The following EIF4G3 variants were observed in gnomAD, a reference collection of about 807,000 sequenced individuals.
EIF4G3 encodes eukaryotic translation initiation factor 4 gamma 3.
A neutral mutation model predicts 186.4 loss-of-function variants in EIF4G3; 34 were observed. That is an observed-to-expected ratio of 0.18 (90% CI 0.14 to 0.24). The LOEUF (loss-of-function observed/expected upper bound fraction) is 0.24, where lower values mean the gene tolerates loss of function less well. EIF4G3 is among the 10% of genes least tolerant of loss of function. The pLI is 1.00. For synonymous variants in EIF4G3, 673 were observed against 679.5 expected, an observed-to-expected ratio of 0.99 and a Z score of 0.15; for missense variants, 1,536 against 1,948.5, an observed-to-expected ratio of 0.79 and a Z score of 3.99.
chr1:21,176,753 C>T lies in EIF4G3; in HGVS notation c.-487G>A, dbSNP rs776281636. ...CGGCAATATCCTCATGGGCCGGCGG[C>T]GGGGGATCTTTATCCCCCTCCCCGG... is the stretch of plus-strand genomic sequence containing the variant. On this transcript the variant is annotated 5_prime_UTR_variant, in exon 1 of 37. Transcript: ENST00000602326. The T allele has an allele frequency of 1.4e-5, 10 of 697,938 alleles. No homozygotes were observed. The highest frequency in any genetic ancestry group is 5.3e-5 in the African/African-American group (3 of 56,706). The allele number at this position is 697,938 out of a possible 1,614,324, so 43.2% of individuals were successfully genotyped here.
At chr1:20,999,947 C>T (rs2083137643) in intron 6 of EIF4G3, among the ~76,000 whole-genome samples, 1 of 152,000 alleles carries the variant, frequency 6.6e-6, no homozygotes, top group Non-Finnish European at 1.5e-5. Context: ...GCCACCCACC[C>T]ACTTACTCAC....
At chr1:20,891,059 C>G (rs1414511093) in intron 18 of EIF4G3, among the ~76,000 whole-genome samples, 1 of 152,138 alleles carries the variant, frequency 6.6e-6, no homozygotes, top group Non-Finnish European at 1.5e-5. Flanking sequence ...AGTCACATTA[C>G]TTTGAGTGTA....
At chr1:21,013,052 T>C (rs1397496924) in intron 4 of EIF4G3, among the ~76,000 whole-genome samples, 1 of 152,134 alleles carries the variant, frequency 6.6e-6, no homozygotes, top group African/African-American at 2.4e-5. Flanking sequence ...AGAAGAGCTT[T>C]GTAAGCACTC....
chr1:20,955,374 G>A (rs2096382160), intron 12 of EIF4G3, among the ~76,000 whole-genome samples: 1 of 152,082 alleles, frequency 6.6e-6, no homozygotes, highest in African/African-American at 2.4e-5. Flanking sequence ...TAGGACCACA[G>A]GTGTGTACCA....
chr1:20,988,480 A>G (rs1441398003), intron 7 of EIF4G3: 6 of 165,588 alleles, frequency 3.6e-5, no homozygotes. Flanking sequence ...TGAAGCCAAT[A>G]CTTATTTACT....
chr1:20,858,681 T>C (rs549883028), intron 24 of EIF4G3, among the ~76,000 whole-genome samples: 10 of 152,290 alleles, frequency 6.6e-5, no homozygotes, highest in African/African-American at 2.4e-4. Flanking sequence ...GAGTGCCTTG[T>C]TAAGTGACAG....
At chr1:21,004,871 C>T (rs1237401714) in intron 4 of EIF4G3, among the ~76,000 whole-genome samples, 1 of 151,854 alleles carries the variant, frequency 6.6e-6, no homozygotes, top group East Asian at 1.9e-4. Context: ...AATCTTTCAA[C>T]GTGGTAATCT....
At chr1:21,003,847 C>T in intron 4 of EIF4G3, 1 of 343,942 alleles carries the variant, frequency 2.9e-6, no homozygotes, top group East Asian at 9.8e-5. Flanking sequence ...AACAGGAAAG[C>T]ATGACCTAGT....
intron 4 of EIF4G3, among the ~76,000 whole-genome samples, chr1:21,046,405 A>C (rs1325899973): frequency 6.6e-6 from 1 of 152,234 alleles, no homozygotes; most frequent in African/African-American, 2.4e-5. Context: ...GCACCTGTGG[A>C]TGTGTAAAAT....
intron 36 of EIF4G3, among the ~76,000 whole-genome samples, chr1:20,809,880 A>G (rs1353648729): frequency 1.3e-5 from 2 of 152,176 alleles, no homozygotes; most frequent in African/African-American, 2.4e-5. Flanking sequence ...ATCACTGTGG[A>G]AAGTTTTATT....
chr1:20,975,525 G>C (rs555441415), intron 10 of EIF4G3, among the ~76,000 whole-genome samples: 2 of 151,360 alleles, frequency 1.3e-5, no homozygotes, highest in South Asian at 4.1e-4. Flanking sequence ...AATGCAATTA[G>C]CAAAACATTA....
chr1:21,083,501 T>C (rs1039318741), intron 3 of EIF4G3, among the ~76,000 whole-genome samples: 1 of 151,276 alleles, frequency 6.6e-6, no homozygotes, highest in East Asian at 1.9e-4. Context: ...TTTTTTTTTT[T>C]CTAATAGAGA....
chr1:20,824,068 C>T (rs1266251944), intron 33 of EIF4G3, among the ~76,000 whole-genome samples: 1 of 152,222 alleles, frequency 6.6e-6, no homozygotes, highest in Non-Finnish European at 1.5e-5. Context: ...GCTATGTGTC[C>T]TTTGGGCAAT....
rs146742995 is a variant in EIF4G3, at chr1:20,807,451, G to A, written c.4794C>T (p.Ser1598=). The A allele has an allele frequency of 1.6e-5, 26 of 1,611,140 alleles. No individual in the cohort carries two copies. The highest frequency in any genetic ancestry group is 1.7e-4 in the Middle Eastern group (1 of 6,060). The change falls in exon 37 of 37, where the codon TCC becomes TCT. Residue 1598 remains serine (S), a synonymous_variant. Transcript: ENST00000602326. ...TCTCCCATTTGTAGAAGGCATCCTC[G>A]GAGATCACCTCCTCGTCATATAGAC... ...FDCLYDEEVI[S]EDAFYKWESS...
At chr1:20,942,426 G>C in intron 13 of EIF4G3, 96 bp from the exon 14 acceptor site, 1 of 1,266,898 alleles carries the variant, frequency 7.9e-7, no homozygotes, top group Non-Finnish European at 1.1e-6. Flanking sequence ...CTAAATTACA[G>C]GTAACAGAAC....
At chr1:20,874,931 C>T (rs1193906235) in intron 20 of EIF4G3, among the ~76,000 whole-genome samples, 1 of 152,056 alleles carries the variant, frequency 6.6e-6, no homozygotes, top group Non-Finnish European at 1.5e-5. Context: ...TCTCTCAATC[C>T]CTCAAAAGTA....
chr1:20,943,597 GACA>G (rs1178153832), intron 13 of EIF4G3, among the ~76,000 whole-genome samples: 1 of 152,128 alleles, frequency 6.6e-6, no homozygotes, highest in African/African-American at 2.4e-5. Flanking sequence ...TTTATCAAAT[GACA>G]ACAAAAGATT....
At chr1:21,153,817 G>C (rs1035271182) in intron 2 of EIF4G3, among the ~76,000 whole-genome samples, 1 of 151,922 alleles carries the variant, frequency 6.6e-6, no homozygotes, top group Non-Finnish European at 1.5e-5. Context: ...CTCCCTCCTT[G>C]GCCTCCCAAA....
intron 3 of EIF4G3, among the ~76,000 whole-genome samples, chr1:21,056,668 A>G (rs1185088710): frequency 6.6e-6 from 1 of 152,152 alleles, no homozygotes; most frequent in African/African-American, 2.4e-5. Flanking sequence ...CTCTTGGTAA[A>G]CTGTTCAATT....
Sources: gnomAD v4.1 joint callset for allele counts (sites outside exome capture counted in the v4.1 genomes callset) on GRCh38, gnomAD v4.1.1 for gene constraint, MANE v1.5 for transcripts, NCBI Gene and HGNC (gene_info 2026-07-23, HGNC 2026-07-21) for gene names.